BMPR1B: variants seen among roughly 807,000 people sequenced by gnomAD.
BMPR1B encodes bone morphogenetic protein receptor type 1B.
In BMPR1B, 12 loss-of-function variants were observed where a neutral mutation model predicts 59.1. The observed-to-expected ratio is 0.20, with a 90% CI of 0.13 to 0.33. The LOEUF (loss-of-function observed/expected upper bound fraction) is 0.33, where lower values mean the gene tolerates loss of function less well. Ranked by LOEUF, BMPR1B falls within the 10% of genes least tolerant of loss-of-function variation. The pLI is 1.00. For synonymous variants in BMPR1B, 237 were observed against 207.3 expected (o/e 1.14, Z -1.23); for missense variants, 550 against 610.9 (o/e 0.90, Z 1.05).
At chr4:94,993,528 G>A (rs1721874006) in intron 2 of BMPR1B, among the ~76,000 whole-genome samples, 1 of 152,004 alleles carries the variant, frequency 6.6e-6, no homozygotes, top group Admixed American at 6.6e-5. Context: ...GGGAGGCCGA[G>A]GTGAGCAGAT....
At chr4:95,014,732 G>A (rs889304685) in intron 3 of BMPR1B, among the ~76,000 whole-genome samples, 2 of 152,140 alleles carry the variant, frequency 1.3e-5, no homozygotes, top group Admixed American at 1.3e-4. Flanking sequence ...TAGAAATTAA[G>A]TGATTAGATT....
intron 12 of BMPR1B, 58 bp from the exon 13 acceptor site, chr4:95,154,490 A>G: frequency 2.5e-6 from 4 of 1,611,544 alleles, no homozygotes; most frequent in African/African-American, 2.7e-5. Flanking sequence ...AAAAAGCTAC[A>G]TTGTAACAGG....
chr4:94,987,101 A>G (rs10016541), intron 2 of BMPR1B, among the ~76,000 whole-genome samples: 18 of 762 alleles, frequency 0.024, no homozygotes, highest in Non-Finnish European at 0.066. Context: ...TATATATACT[A>G]TATATGTATA....
chr4:94,989,318 G>A (rs183897677), intron 2 of BMPR1B, among the ~76,000 whole-genome samples: 5 of 151,820 alleles, frequency 3.3e-5, no homozygotes, highest in Non-Finnish European at 1.5e-5. Context: ...GAATCCAGGC[G>A]GTGGAGGTTG....
At position 95,019,083 on chromosome 4, in the gene BMPR1B, G is replaced by T. The variant is rs142344007; in HGVS notation, c.-18+22949G>T. Among the ~76,000 whole-genome samples the T allele has an allele frequency of 8.6e-5, 13 of 152,008 alleles. No individual in the cohort carries two copies. In the East Asian group the frequency reaches 2.5e-3, roughly 29 times the overall value. On this transcript the variant is annotated intron_variant, in intron 3 of 12. Coordinates refer to ENST00000515059, the MANE Select transcript of BMPR1B (RefSeq NM_001203.3). ...GGAAGTTTTGCAACTGTCGAATACC[G>T]CTTCATATTGCATACAAAGCCACTT...
At chr4:94,997,939 T>C (rs1275984606) in intron 3 of BMPR1B, among the ~76,000 whole-genome samples, 1 of 152,168 alleles carries the variant, frequency 6.6e-6, no homozygotes, top group African/African-American at 2.4e-5. Context: ...CCTTCTGGTG[T>C]CTTGTTTCTG....
intron 1 of BMPR1B, among the ~76,000 whole-genome samples, chr4:94,868,878 T>C (rs1474987798): frequency 6.6e-6 from 1 of 152,198 alleles, no homozygotes; most frequent in East Asian, 1.9e-4. Flanking sequence ...AAGGCTTGAA[T>C]GTTGTAGCTT....
At chr4:94,907,293 G>C (rs185259784) in intron 2 of BMPR1B, among the ~76,000 whole-genome samples, 11 of 152,186 alleles carry the variant, frequency 7.2e-5, no homozygotes, top group Admixed American at 7.2e-4. Context: ...TTAAAGGAGA[G>C]AAAGGCATCT....
intron 3 of BMPR1B, among the ~76,000 whole-genome samples, chr4:95,012,466 A>T (rs1723291856): frequency 6.6e-6 from 1 of 152,164 alleles, no homozygotes; most frequent in South Asian, 2.1e-4. Flanking sequence ...TTATTTCAAT[A>T]TGTTGTAATT....
intron 3 of BMPR1B, among the ~76,000 whole-genome samples, chr4:95,026,101 T>C (rs1417283932): frequency 8.4e-6 from 1 of 118,884 alleles, no homozygotes; most frequent in East Asian, 2.4e-4. Flanking sequence ...TTCTTTCATT[T>C]CTTTCTTTCT....
At chr4:94,894,483 C>A (rs954308592) in intron 2 of BMPR1B, among the ~76,000 whole-genome samples, 2 of 151,284 alleles carry the variant, frequency 1.3e-5, no homozygotes, top group Admixed American at 1.3e-4. Flanking sequence ...CCCTAATTAC[C>A]ATTTACATAG....
intron 2 of BMPR1B, among the ~76,000 whole-genome samples, chr4:94,886,155 T>A (rs1409743532): frequency 6.6e-6 from 1 of 152,050 alleles, no homozygotes; most frequent in Non-Finnish European, 1.5e-5. Flanking sequence ...AAATAATATA[T>A]CAGCCAAATA....
chr4:95,056,730 C>A (rs1560621955), intron 3 of BMPR1B, among the ~76,000 whole-genome samples: 2 of 152,206 alleles, frequency 1.3e-5, no homozygotes, highest in African/African-American at 4.8e-5. Flanking sequence ...TGGCTCCTGA[C>A]TCATCTTGCA....
chr4:95,133,410 C>T (rs1196922069), intron 10 of BMPR1B, among the ~76,000 whole-genome samples: 1 of 152,078 alleles, frequency 6.6e-6, no homozygotes, highest in African/African-American at 2.4e-5. Context: ...GCCCTATTTC[C>T]ACCACACTTC....
At chr4:94,758,797 T>TC (rs1057255321) in intron 1 of BMPR1B, among the ~76,000 whole-genome samples, 2 of 151,878 alleles carry the variant, frequency 1.3e-5, no homozygotes, top group African/African-American at 4.8e-5. Flanking sequence ...CCTTTGCCTC[T>TC]CCCCCCGGTC....
At chr4:94,818,685 C>T (rs1170713471) in intron 1 of BMPR1B, among the ~76,000 whole-genome samples, 1 of 152,138 alleles carries the variant, frequency 6.6e-6, no homozygotes, top group Non-Finnish European at 1.5e-5. Flanking sequence ...TACTATGAAG[C>T]GATTTCCTCA....
At chr4:94,786,435 T>G (rs1262819522) in intron 1 of BMPR1B, among the ~76,000 whole-genome samples, 1 of 151,992 alleles carries the variant, frequency 6.6e-6, no homozygotes, top group African/African-American at 2.4e-5. Flanking sequence ...GGCATGACCT[T>G]GGCTTACTGC....
intron 3 of BMPR1B, among the ~76,000 whole-genome samples, chr4:95,046,418 T>C (rs1386279360): frequency 2.0e-5 from 3 of 152,222 alleles, no homozygotes; most frequent in African/African-American, 7.2e-5. Flanking sequence ...CATTTTCTGA[T>C]ATTTTCCTAT....
At chr4:94,977,105 AC>A (rs1181150830) in intron 2 of BMPR1B, among the ~76,000 whole-genome samples, 1 of 151,886 alleles carries the variant, frequency 6.6e-6, no homozygotes, top group Non-Finnish European at 1.5e-5. Context: ...TTTATAATCT[AC>A]CCCATTAGCA....
Sources: allele counts gnomAD v4.1 joint callset (sites outside exome capture counted in the v4.1 genomes callset), GRCh38; gene constraint gnomAD v4.1.1; transcripts MANE v1.5; gene names NCBI Gene and HGNC (gene_info 2026-07-23, HGNC 2026-07-21).